Variants in ANKS1B observed in about 807,000 individuals in gnomAD.
ANKS1B encodes the protein ankyrin repeat and sterile alpha motif domain-containing protein 1B.
ANKS1B carries 36 observed loss-of-function variants against 148.3 expected under a neutral mutation model. The observed-to-expected ratio is 0.24, with a 90% CI of 0.19 to 0.32. The LOEUF (loss-of-function observed/expected upper bound fraction) is 0.32. ANKS1B is among the 10% of genes least tolerant of loss of function. ANKS1B has a pLI of 1.00. For missense variants in ANKS1B, 1,157 were observed against 1,542.6 expected (o/e 0.75, Z 4.19); for synonymous variants, 542 against 560.8 (o/e 0.97, Z 0.47).
Position 98,994,585 on chromosome 12 carries a change from C to T in ANKS1B, c.2778+58572G>A, listed in dbSNP as rs187065937. On this transcript the variant is annotated intron_variant, in intron 17 of 26. Transcript: ENST00000683438. ...AGTGAGCCAAGATCGTACCACTGCA[C>T]TCCATCCTGGGTAAAAGATTGAGTG... 3.9e-5 allele frequency among the ~76,000 whole-genome samples: 6 copies of T among 152,332 alleles called. No individual in the cohort carries two copies. The East Asian group carries it at 1.2e-3, about 29-fold the overall frequency.
intron 4 of ANKS1B, among the ~76,000 whole-genome samples, chr12:99,790,197 G>A (rs2065475627): frequency 6.6e-6 from 1 of 152,180 alleles, no homozygotes; most frequent in Non-Finnish European, 1.5e-5. Flanking sequence ...TACAGGTCAG[G>A]AGAGAGTGGC....
At chr12:99,879,393 G>A (rs767691276) in intron 1 of ANKS1B, among the ~76,000 whole-genome samples, 5 of 152,154 alleles carry the variant, frequency 3.3e-5, no homozygotes, top group East Asian at 1.9e-4. Flanking sequence ...CAGATTATAC[G>A]TTTCATATGC....
chr12:99,574,751 C>G (rs1165070534), intron 9 of ANKS1B, among the ~76,000 whole-genome samples: 2 of 151,946 alleles, frequency 1.3e-5, no homozygotes, highest in Admixed American at 6.6e-5. Context: ...AAACTCTCAG[C>G]ATCTGAGGAA....
chr12:99,940,495 A>G (rs2094892677), intron 1 of ANKS1B, among the ~76,000 whole-genome samples: 1 of 152,266 alleles, frequency 6.6e-6, no homozygotes, highest in Admixed American at 6.5e-5. Flanking sequence ...ATTCGCTCCT[A>G]TCAGGGGCAA....
intron 1 of ANKS1B, among the ~76,000 whole-genome samples, chr12:99,950,655 C>T (rs115410850): frequency 0.024 from 3,718 of 152,200 alleles, 165 homozygotes; most frequent in African/African-American, 0.084. Flanking sequence ...GAGTCCAACA[C>T]ATTTGTTCTG....
intron 9 of ANKS1B, among the ~76,000 whole-genome samples, chr12:99,625,407 A>G (rs537569848): frequency 4.6e-5 from 7 of 152,274 alleles, no homozygotes; most frequent in African/African-American, 1.4e-4. Context: ...TTTTAAAAAA[A>G]CTGTACATAG....
chr12:99,248,243 T>C (rs759269837), intron 12 of ANKS1B, among the ~76,000 whole-genome samples: 4 of 152,176 alleles, frequency 2.6e-5, no homozygotes, highest in Non-Finnish European at 5.9e-5. Context: ...ATAGTGAAGA[T>C]TGGCCCCAGG....
chr12:99,513,431 G>A (rs550320570), intron 9 of ANKS1B, among the ~76,000 whole-genome samples: 25 of 152,042 alleles, frequency 1.6e-4, no homozygotes, highest in East Asian at 1.2e-3. Context: ...TTAGTGGAGC[G>A]TTTAAATTGA....
intron 25 of ANKS1B, among the ~76,000 whole-genome samples, chr12:98,761,000 A>T (rs1305247587): frequency 6.6e-6 from 1 of 152,224 alleles, no homozygotes; most frequent in Non-Finnish European, 1.5e-5. Flanking sequence ...GACGAGGCTA[A>T]GTGCCTTCTG....
chr12:99,059,018 T>G (rs1376878995), intron 16 of ANKS1B, among the ~76,000 whole-genome samples: 2 of 136,694 alleles, frequency 1.5e-5, no homozygotes, highest in Admixed American at 1.5e-4. Context: ...ATTACAGGCG[T>G]GAGCCACCGC....
intron 8 of ANKS1B, among the ~76,000 whole-genome samples, chr12:99,685,022 G>T (rs2098641662): frequency 6.6e-6 from 1 of 152,032 alleles, no homozygotes; most frequent in South Asian, 2.1e-4. Flanking sequence ...CTTAGGCAAA[G>T]AATTCATGAA....
chr12:99,214,106 G>A (rs1163642094), intron 14 of ANKS1B, among the ~76,000 whole-genome samples: 1 of 149,558 alleles, frequency 6.7e-6, no homozygotes, highest in African/African-American at 2.4e-5. Context: ...GTGTGCCCAA[G>A]AATGGCATAA....
At chr12:99,834,534 AAT>A (rs1351284500) in intron 1 of ANKS1B, among the ~76,000 whole-genome samples, 1 of 152,232 alleles carries the variant, frequency 6.6e-6, no homozygotes, top group East Asian at 1.9e-4. Flanking sequence ...ATATAAACAA[AAT>A]AGTTTTCTAC....
intron 4 of ANKS1B, among the ~76,000 whole-genome samples, chr12:99,784,168 C>CT (rs71088155): frequency 0.011 from 1,172 of 110,858 alleles, 23 homozygotes; most frequent in African/African-American, 0.022. Flanking sequence ...ACTGAACTTT[C>CT]TTTTTTTTTT....
chr12:98,904,726 C>A (rs1363472848), intron 17 of ANKS1B, among the ~76,000 whole-genome samples: 1 of 151,904 alleles, frequency 6.6e-6, no homozygotes, highest in African/African-American at 2.4e-5. Flanking sequence ...GGTCCAGGAA[C>A]CAAAGAGAAG....
At chr12:98,886,682 A>G (rs1477716208) in intron 17 of ANKS1B, among the ~76,000 whole-genome samples, 1 of 152,230 alleles carries the variant, frequency 6.6e-6, no homozygotes, top group Non-Finnish European at 1.5e-5. Flanking sequence ...AGCTATGTGG[A>G]TAAAGAAAGA....
chr12:99,463,517 A>C (rs2096027565), intron 10 of ANKS1B, among the ~76,000 whole-genome samples: 1 of 152,200 alleles, frequency 6.6e-6, no homozygotes, highest in Non-Finnish European at 1.5e-5. Flanking sequence ...GCAAGGGGGC[A>C]GGGAGTTCCC....
rs2099273379 is a variant in ANKS1B, at chr12:98,829,003, C to T, written c.3066+171G>A. ...CATGTGTACACATTCCATTCCCAGA[C>T]ATTTCTGTCTCGGTCTAGTTCAGAT... On this transcript the variant is annotated intron_variant, in intron 19 of 26. Coordinates refer to ENST00000683438, the MANE Select transcript of ANKS1B (RefSeq NM_001352186.2). The surrounding 1 kb of genome is among the most constrained non-coding windows in gnomAD (Gnocchi z 5.2). Among the ~76,000 whole-genome samples the T allele has an allele frequency of 6.6e-6, 1 of 152,186 alleles. No individual in the cohort carries two copies. Among genetic ancestry groups the T allele is most frequent in the Admixed American group, 6.5e-5 (1 of 15,290 alleles).
At chr12:99,074,016 G>T (rs1473725765) in intron 16 of ANKS1B, among the ~76,000 whole-genome samples, 1 of 152,116 alleles carries the variant, frequency 6.6e-6, no homozygotes, top group East Asian at 1.9e-4. Flanking sequence ...AGATTTAAAG[G>T]TCCCTTCCAG....
Sources: gnomAD v4.1 joint callset for allele counts (sites outside exome capture counted in the v4.1 genomes callset) on GRCh38, gnomAD v4.1.1 for gene constraint, Gnocchi (gnomAD v3.1) non-coding constraint, MANE v1.5 for transcripts, NCBI Gene and HGNC (gene_info 2026-07-23, HGNC 2026-07-21) for gene names.